The following STIL variants were observed in gnomAD, a reference collection of about 807,000 sequenced individuals.
STIL encodes SCL-interrupting locus protein.
In STIL, 55 loss-of-function variants were observed where a neutral mutation model predicts 110.1. That is an observed-to-expected ratio of 0.50 (90% CI 0.40 to 0.63). STIL has a LOEUF of 0.63. Ranked by LOEUF, STIL falls within the 20% of genes least tolerant of loss-of-function variation. The pLI is 0.00. For synonymous variants in STIL, 481 were observed against 530.0 expected, an observed-to-expected ratio of 0.91 and a Z score of 1.27; for missense variants, 1,358 against 1,530.0, an observed-to-expected ratio of 0.89 and a Z score of 1.87.
intron 12 of STIL, among the ~76,000 whole-genome samples, chr1:47,278,746 A>G (rs1381189527): frequency 1.3e-5 from 2 of 152,104 alleles, no homozygotes; most frequent in African/African-American, 2.4e-5. Context: ...CAGAAAGATC[A>G]CTTGAGCTGA....
intron 14 of STIL, among the ~76,000 whole-genome samples, chr1:47,265,783 C>CA (rs1179019596): frequency 0.17 from 11,029 of 65,372 alleles, 1,235 homozygotes; most frequent in African/African-American, 0.21. Flanking sequence ...AAGACTGTCT[C>CA]AAAAAAAAAA....
intron 16 of STIL, 82 bp downstream of exon 16, chr1:47,260,207 T>C: frequency 7.4e-7 from 1 of 1,352,304 alleles, no homozygotes; most frequent in Admixed American, 2.4e-5. Flanking sequence ...TTTATTCATC[T>C]AGCCAATGAT....
At position 47,255,315 on chromosome 1, in the gene STIL, A is replaced by T. The variant is rs6674561; in HGVS notation, c.3081-3393T>A. Among the ~76,000 whole-genome samples, 939 of 152,330 alleles carry T rather than the reference A, an allele frequency of 6.2e-3. 10 individuals are homozygous for T. Among genetic ancestry groups the T allele is most frequent in the African/African-American group, 0.021 (869 of 41,564 alleles). On this transcript the variant is annotated intron_variant, in intron 16 of 16. Coordinates refer to ENST00000371877, the MANE Select transcript of STIL (RefSeq NM_001048166.1). ...GAAAGTCCATGAATAAATTTGAGTT[A>T]GCCACATGTCAACAATTTATGGGAA... is the stretch of plus-strand genomic sequence containing the variant.
At chr1:47,287,771 T>G in intron 9 of STIL, 111 bp from the exon 10 acceptor site, 1 of 827,420 alleles carries the variant, frequency 1.2e-6, no homozygotes, top group Non-Finnish European at 2.0e-6. Flanking sequence ...GGCAGACTTC[T>G]GATTTCTGTA....
intron 16 of STIL, among the ~76,000 whole-genome samples, chr1:47,256,641 C>A (rs1644337936): frequency 1.6e-5 from 2 of 123,904 alleles, no homozygotes; most frequent in East Asian, 2.1e-4. Flanking sequence ...AAAAAAAAAT[C>A]TTGCTGAAAA....
chr1:47,252,813 A>AT (rs1288733052), intron 16 of STIL, among the ~76,000 whole-genome samples: 1 of 150,364 alleles, frequency 6.7e-6, no homozygotes, highest in East Asian at 2.0e-4. Flanking sequence ...ACACACACAC[A>AT]CACACACACA....
intron 14 of STIL, among the ~76,000 whole-genome samples, chr1:47,265,237 C>CAAAAAAAAA (rs61666574): frequency 0.023 from 1,157 of 51,136 alleles, 127 homozygotes; most frequent in Non-Finnish European, 0.031. Context: ...CTCCATCTCC[C>CAAAAAAAAA]AAAAAAAAAA....
chr1:47,295,463 C>T (rs1440569177), intron 7 of STIL, among the ~76,000 whole-genome samples: 2 of 152,024 alleles, frequency 1.3e-5, no homozygotes, highest in Middle Eastern at 3.4e-3. Context: ...GCCTGTAATC[C>T]CAGCTACTTA....
chr1:47,292,708 G>A (rs1645530419), intron 8 of STIL, among the ~76,000 whole-genome samples: 1 of 152,202 alleles, frequency 6.6e-6, no homozygotes, highest in Non-Finnish European at 1.5e-5. Flanking sequence ...GACTATTTCA[G>A]GAAGGAAGCA....
intron 6 of STIL, among the ~76,000 whole-genome samples, chr1:47,298,404 AAGAAATTAAGAGTGGAGAT>A (rs1404634823): frequency 2.0e-5 from 3 of 152,220 alleles, no homozygotes; most frequent in African/African-American, 7.2e-5. Flanking sequence ...TACATTTCCT[AAGAAATTAAGAGTGGAGAT>A]AGGAAGCTGG....
rs139802888 is a variant in STIL, at chr1:47,284,640, A to T, written c.1134-2181T>A. The stretch of plus-strand genomic sequence containing the variant: ...TGAGGTGACACAAGCCTGTAATCCC[A>T]GCACTTTGGGAGGCCAAGGTGGGTG... On this transcript the variant is annotated intron_variant, in intron 10 of 16. Coordinates refer to ENST00000371877, the MANE Select transcript of STIL (RefSeq NM_001048166.1). 4.0e-3 allele frequency among the ~76,000 whole-genome samples: 606 copies of T among 152,340 alleles called. 3 individuals carry two copies. The highest frequency in any genetic ancestry group is 0.014 in the African/African-American group (581 of 41,588).
At chr1:47,296,202 C>G (rs1405094906) in intron 6 of STIL, among the ~76,000 whole-genome samples, 1 of 152,130 alleles carries the variant, frequency 6.6e-6, no homozygotes, top group Admixed American at 6.6e-5. Flanking sequence ...CTTGGAAGAA[C>G]TGAATTCCCT....
rs1557740233 is a variant in STIL at position 47,281,241 on chromosome 1, TA to T, written c.1249-33del. ...ATAAGAAAGAAATAGAAAAAAAAAG[TA>T]TTTTTTTGGAGAAACTGTATACTTT... On this transcript the variant is annotated intron_variant, in intron 11 of 16. Coordinates refer to ENST00000371877, the MANE Select transcript of STIL (RefSeq NM_001048166.1). 3 of 1,591,390 alleles carry T rather than the reference TA, an allele frequency of 1.9e-6. No individual in the cohort carries two copies. The South Asian group carries it at 3.4e-5, about 18-fold the overall frequency.
intron 12 of STIL, among the ~76,000 whole-genome samples, chr1:47,278,151 C>T (rs762174908): frequency 1.3e-5 from 2 of 152,124 alleles, no homozygotes; most frequent in Non-Finnish European, 2.9e-5. Context: ...GATACTTGCA[C>T]ATAGGTAGTA....
intron 13 of STIL, among the ~76,000 whole-genome samples, chr1:47,271,169 A>G (rs909919074): frequency 1.3e-5 from 2 of 152,196 alleles, no homozygotes; most frequent in Non-Finnish European, 2.9e-5. Flanking sequence ...CAAAATATAA[A>G]TATTAATCTG....
At chr1:47,287,777 C>T (rs1028092234) in intron 9 of STIL, 117 bp from the exon 10 acceptor site, 18 of 784,460 alleles carry the variant, frequency 2.3e-5, no homozygotes, top group Non-Finnish European at 3.9e-5. Flanking sequence ...CTTCTGATTT[C>T]TGTAACCCTC....
At chr1:47,271,558 C>CAA (rs35926663) in intron 13 of STIL, among the ~76,000 whole-genome samples, 4 of 85,598 alleles carry the variant, frequency 4.7e-5, no homozygotes, top group Non-Finnish European at 8.9e-5. Context: ...GACTCCGTCT[C>CAA]AAAAAAAAAA....
In STIL at chr1:47,252,778, TACACACACACACACACAC is replaced by T. The variant is rs3043070; in HGVS notation, c.3081-874_3081-857del. ...CAACCAGTCTCTGGATATGGGCTTA[TACACACACACACACACAC>T]ACACACACACACACACACACACACA... On this transcript the variant is annotated intron_variant, in intron 16 of 16. Coordinates refer to ENST00000371877, the MANE Select transcript of STIL (RefSeq NM_001048166.1). 5.9e-3 allele frequency among the ~76,000 whole-genome samples: 828 copies of T among 140,192 alleles called. 2 individuals are homozygous for T. Among genetic ancestry groups the T allele is most frequent in the East Asian group, 0.032 (153 of 4,758 alleles). The allele number at this position is 140,192 out of a possible 152,430, so 92.0% of individuals were successfully genotyped here.
In STIL at chr1:47,251,615, G is replaced by T. The variant is rs761500591; in HGVS notation, c.3388C>A (p.Leu1130Ile). ...TKKYMKRYGL[L>I]QSSDNSEDEE... is the part of the protein sequence containing the mutation. The stretch of plus-strand genomic sequence containing the variant: ...TCTTCACTATTGTCACTGCTTTGTA[G>T]GAGTCCATATCTCTTCATATATTTT... The change falls in exon 17 of 17, where the codon CTA (leucine) becomes ATA (isoleucine). Residue 1130 changes from leucine (L) to isoleucine (I), a missense_variant. Transcript: ENST00000371877. 5.6e-6 allele frequency: 9 copies of T among 1,613,900 alleles called. No homozygotes were observed. Among genetic ancestry groups the T allele is most frequent in the African/African-American group, 4.0e-5 (3 of 74,884 alleles).
Sources: allele counts gnomAD v4.1 joint callset (sites outside exome capture counted in the v4.1 genomes callset), GRCh38; gene constraint gnomAD v4.1.1; transcripts MANE v1.5; gene names NCBI Gene and HGNC (gene_info 2026-07-23, HGNC 2026-07-21).